Variants in PKIB observed in about 807,000 individuals in gnomAD.
PKIB encodes cAMP-dependent protein kinase inhibitor beta.
In PKIB, 2 loss-of-function variants were observed where a neutral mutation model predicts 4.5. The ratio of observed to expected loss-of-function variants is 0.44; its 90% CI spans 0.18 to 1.39. The LOEUF (loss-of-function observed/expected upper bound fraction) is 1.39, where lower values mean the gene tolerates loss of function less well. Ranked by LOEUF, PKIB falls within the 40% of genes most tolerant of loss-of-function variation. PKIB has a pLI of 0.27. For missense variants in PKIB, 94 were observed against 92.6 expected (o/e 1.02, Z -0.06); for synonymous variants, 38 against 36.0 (o/e 1.06, Z -0.20).
At chr6:122,505,006 A>C (rs1776354062) in intron 2 of PKIB, among the ~76,000 whole-genome samples, 1 of 152,152 alleles carries the variant, frequency 6.6e-6, no homozygotes, top group African/African-American at 2.4e-5. Flanking sequence ...TACTTGATTT[A>C]TTGAGTACAA....
rs149490620 is a variant in PKIB, at chr6:122,625,236, C to T, written c.-160-8047C>T. 1.2e-3 allele frequency among the ~76,000 whole-genome samples: 186 copies of T among 152,258 alleles called. 3 individuals are homozygous for T. In the East Asian group the frequency reaches 0.02, roughly 17 times the overall value. ...AAAGATGAATATATCTCTAATTCTT[C>T]GTCATTTTTATCAGTTCCTTTTTAT... On this transcript the variant is annotated intron_variant, in intron 1 of 4. Coordinates refer to ENST00000368452, the MANE Select transcript of PKIB (RefSeq NM_181795.3).
chr6:122,644,928 A>G (rs1019853625), intron 2 of PKIB, among the ~76,000 whole-genome samples: 2 of 152,226 alleles, frequency 1.3e-5, no homozygotes, highest in Non-Finnish European at 2.9e-5. Context: ...GGACTGTGAC[A>G]ACTCCTGTAA....
At chr6:122,534,430 T>C (rs887321764) in intron 2 of PKIB, among the ~76,000 whole-genome samples, 2 of 151,898 alleles carry the variant, frequency 1.3e-5, no homozygotes, top group African/African-American at 4.8e-5. Context: ...TGAGTTCACA[T>C]AGGGCCAAGA....
intron 2 of PKIB, among the ~76,000 whole-genome samples, chr6:122,651,968 G>A (rs1021302407): frequency 6.6e-6 from 1 of 152,144 alleles, no homozygotes; most frequent in African/African-American, 2.4e-5. Context: ...ACTCAGTGGT[G>A]ATATTTGTGT....
At chr6:122,594,395 C>T (rs987559394) in intron 3 of PKIB, among the ~76,000 whole-genome samples, 5 of 151,848 alleles carry the variant, frequency 3.3e-5, no homozygotes, top group African/African-American at 1.2e-4. Flanking sequence ...TTAGTAGAGA[C>T]GGGGTTTCAC....
chr6:122,695,069 T>C (rs905694194), intron 3 of PKIB, among the ~76,000 whole-genome samples: 4 of 152,088 alleles, frequency 2.6e-5, no homozygotes, highest in African/African-American at 9.7e-5. Context: ...TGCAAACTTA[T>C]TTTCAAATTT....
chr6:122,537,412 CGGTTTTTTGTGAGAACATTTT>C (rs1208897365), intron 2 of PKIB, among the ~76,000 whole-genome samples: 1 of 151,886 alleles, frequency 6.6e-6, no homozygotes, highest in Non-Finnish European at 1.5e-5. Flanking sequence ...TGAGAACATG[CGGTTTTTTGTGAGAACATTTT>C]GGTTTTTTGT....
At chr6:122,545,139 G>T (rs1210612109) in intron 2 of PKIB, among the ~76,000 whole-genome samples, 1 of 151,964 alleles carries the variant, frequency 6.6e-6, no homozygotes, top group East Asian at 1.9e-4. Context: ...TCATTACTGG[G>T]TATATACCCA....
chr6:122,566,537 A>G (rs2114683452), intron 2 of PKIB, among the ~76,000 whole-genome samples: 1 of 152,180 alleles, frequency 6.6e-6, no homozygotes, highest in Non-Finnish European at 1.5e-5. Flanking sequence ...TTTTTATACT[A>G]AAAATATTAT....
chr6:122,655,612 G>A (rs1776743831), intron 2 of PKIB, among the ~76,000 whole-genome samples: 1 of 152,114 alleles, frequency 6.6e-6, no homozygotes, highest in African/African-American at 2.4e-5. Flanking sequence ...TGTTGTAGCA[G>A]CCCAGACAGA....
intron 1 of PKIB, among the ~76,000 whole-genome samples, chr6:122,617,146 G>T (rs2114777605): frequency 6.6e-6 from 1 of 152,300 alleles, no homozygotes; most frequent in Middle Eastern, 3.4e-3. Flanking sequence ...GAGGCAACAG[G>T]TTAATGGGTA....
chr6:122,479,149 A>T (rs979815387), intron 2 of PKIB: 1 of 152,146 alleles, frequency 6.6e-6, no homozygotes, highest in Admixed American at 6.5e-5. Flanking sequence ...CCCACCTTCT[A>T]CATTGAACTT....
chr6:122,524,924 G>T (rs1486913562), intron 2 of PKIB, among the ~76,000 whole-genome samples: 2 of 150,606 alleles, frequency 1.3e-5, no homozygotes, highest in African/African-American at 4.9e-5. Flanking sequence ...TTTTCGTTTT[G>T]TTGATTTTTT....
At chr6:122,542,635 G>A (rs982505785) in intron 2 of PKIB, among the ~76,000 whole-genome samples, 2 of 152,076 alleles carry the variant, frequency 1.3e-5, no homozygotes, top group African/African-American at 2.4e-5. Flanking sequence ...CTACTGGGGG[G>A]TGCCTCCCAG....
chr6:122,499,460 A>G (rs1461579513), intron 2 of PKIB, among the ~76,000 whole-genome samples: 1 of 152,178 alleles, frequency 6.6e-6, no homozygotes, highest in Non-Finnish European at 1.5e-5. Flanking sequence ...AACAAAAACC[A>G]TATGATTGTC....
At chr6:122,634,187 A>G (rs1382125843) in intron 2 of PKIB, among the ~76,000 whole-genome samples, 1 of 152,076 alleles carries the variant, frequency 6.6e-6, no homozygotes, top group Admixed American at 6.6e-5. Flanking sequence ...GGAGGGGAAC[A>G]TCACACACCG....
At chr6:122,707,196 G>A (rs1035396206) in intron 3 of PKIB, among the ~76,000 whole-genome samples, 5 of 151,644 alleles carry the variant, frequency 3.3e-5, no homozygotes, top group African/African-American at 9.7e-5. Context: ...CCTTTGGTTG[G>A]GATTTTTTTT....
chr6:122,487,963 T>C (rs1289355357), intron 2 of PKIB, among the ~76,000 whole-genome samples: 1 of 152,204 alleles, frequency 6.6e-6, no homozygotes, highest in Admixed American at 6.6e-5. Flanking sequence ...TAAAGTGATA[T>C]CTTCCAGGTT....
At chr6:122,638,579 G>A (rs192293510) in intron 2 of PKIB, among the ~76,000 whole-genome samples, 1 of 152,162 alleles carries the variant, frequency 6.6e-6, no homozygotes, top group African/African-American at 2.4e-5. Context: ...TTGCCCTTTT[G>A]TTTCAGGGCT....
Sources: allele counts gnomAD v4.1 joint callset (sites outside exome capture counted in the v4.1 genomes callset), GRCh38; gene constraint gnomAD v4.1.1; transcripts MANE v1.5; gene names NCBI Gene and HGNC (gene_info 2026-07-23, HGNC 2026-07-21).